NIPA1: variants seen among roughly 807,000 people sequenced by gnomAD.
The protein encoded by NIPA1 is magnesium transporter NIPA1.
NIPA1 carries 13 observed loss-of-function variants against 23.9 expected under a neutral mutation model. The ratio of observed to expected loss-of-function variants is 0.54; its 90% CI spans 0.35 to 0.87. The LOEUF is 0.87. NIPA1 is among the 40% of genes least tolerant of loss of function. The pLI, the probability that NIPA1 is intolerant of heterozygous loss-of-function variation, is 0.01. For missense variants in NIPA1, 362 were observed against 429.7 expected (o/e 0.84, Z 1.39); for synonymous variants, 234 against 202.9 (o/e 1.15, Z -1.30).
At chr15:22,792,593 C>T (rs552324398) in intron 1 of NIPA1, among the ~76,000 whole-genome samples, 2 of 152,026 alleles carry the variant, frequency 1.3e-5, no homozygotes, top group East Asian at 1.9e-4. Flanking sequence ...CTCCTGACCT[C>T]GTGATCTGCC....
At chr15:22,798,514 C>T (rs1459407545) in intron 1 of NIPA1, among the ~76,000 whole-genome samples, 1 of 147,936 alleles carries the variant, frequency 6.8e-6, no homozygotes, top group African/African-American at 2.5e-5. Context: ...GCTGGGATTA[C>T]AGGCATGAGC....
intron 1 of NIPA1, among the ~76,000 whole-genome samples, chr15:22,799,480 A>AC (rs1895017683): frequency 6.6e-6 from 1 of 151,810 alleles, no homozygotes. Context: ...CCTCATCTCT[A>AC]AAAAAAATAC....
chr15:22,786,665 TGCAGCTGCG>T lies in NIPA1; in HGVS notation c.15_23del (p.Ala14_Ala16del), dbSNP rs1204568027. 49 of 1,071,288 alleles carry T rather than the reference TGCAGCTGCG, an allele frequency of 4.6e-5. No homozygotes were observed. Among genetic ancestry groups the T allele is most frequent in the African/African-American group, 1.4e-4 (8 of 56,776 alleles). 66.4% of individuals were successfully genotyped at this position (1,071,288 alleles called of 1,614,324 possible). ...GGGCGGGCGCGGGCGGAATGGGGAC[TGCAGCTGCG>T]GCAGCGGCGGCGGCGGCGGCGGCGG... On this transcript the variant is annotated inframe_deletion, in exon 1 of 5. Transcript: ENST00000337435.
At chr15:22,791,204 C>T (rs561749386) in intron 1 of NIPA1, among the ~76,000 whole-genome samples, 1 of 152,136 alleles carries the variant, frequency 6.6e-6, no homozygotes, top group Non-Finnish European at 1.5e-5. Context: ...AAGTTGCCCG[C>T]TTGGCCCTCT....
At chr15:22,815,308 A>G (rs1023503542) in intron 3 of NIPA1, among the ~76,000 whole-genome samples, 3 of 152,148 alleles carry the variant, frequency 2.0e-5, no homozygotes, top group African/African-American at 4.8e-5. Context: ...CTGTTATGCC[A>G]TTATTTTATG....
Position 22,825,597 on chromosome 15 carries a change from G to T in NIPA1, c.*1358G>T, listed in dbSNP as rs918165072. The T allele has an allele frequency of 6.6e-6, 1 of 152,148 alleles. No individual in the cohort carries two copies. Among genetic ancestry groups the T allele is most frequent in the African/African-American group, 2.4e-5 (1 of 41,414 alleles). 9.4% of individuals were successfully genotyped at this position (152,148 alleles called of 1,614,324 possible). On this transcript the variant is annotated 3_prime_UTR_variant, in exon 5 of 5. Coordinates refer to ENST00000337435, the MANE Select transcript of NIPA1 (RefSeq NM_144599.5). Reference sequence around the variant, plus strand: ...ATAAATTAGGTAACTTGATAATAAGGCTAAGTGGGAGAGTACCTGTTCAAT... The same window carrying T: ...ATAAATTAGGTAACTTGATAATAAGTCTAAGTGGGAGAGTACCTGTTCAAT...
At position 22,824,264 on chromosome 15, in the gene NIPA1, C is replaced by A; in HGVS notation, c.*25C>A. The A allele has an allele frequency of 6.3e-7, 1 of 1,598,752 alleles. No homozygotes were observed. The highest frequency in any genetic ancestry group is 1.1e-5 in the South Asian group (1 of 90,570). The stretch of plus-strand genomic sequence containing the variant: ...GATTGCAATAGGAGCTTGGATGGTT[C>A]GAGGAATAGGCATTGGAGGTGGTTT... On this transcript the variant is annotated 3_prime_UTR_variant, in exon 5 of 5. Transcript: ENST00000337435. The surrounding 1 kb of genome is among the most constrained non-coding windows in gnomAD (Gnocchi z 4.1).
chr15:22,821,024 C>G (rs1300555246), intron 4 of NIPA1, among the ~76,000 whole-genome samples: 1 of 149,236 alleles, frequency 6.7e-6, no homozygotes, highest in Admixed American at 6.8e-5. Flanking sequence ...GTCACCCAGG[C>G]TGGAGTGCAG....
rs1895613747 is a variant in NIPA1, at chr15:22,824,668, G to A, written c.*429G>A. The A allele has an allele frequency of 5.0e-6, 1 of 201,730 alleles. No homozygotes were observed. The highest frequency in any genetic ancestry group is 7.4e-5 in the South Asian group (1 of 13,452). 12.5% of individuals were successfully genotyped at this position (201,730 alleles called of 1,614,324 possible). On this transcript the variant is annotated 3_prime_UTR_variant, in exon 5 of 5. Transcript: ENST00000337435. The surrounding 1 kb of genome is among the most constrained non-coding windows in gnomAD (Gnocchi z 4.1). ...TGAACTCTGGCACTGTACAGTGAAT[G>A]TGTCTGTAGTTGTGTTAGTTTGCAT...
At chr15:22,823,127 G>C (rs779258388) in intron 4 of NIPA1, among the ~76,000 whole-genome samples, 30 of 132,530 alleles carry the variant, frequency 2.3e-4, no homozygotes, top group Non-Finnish European at 4.0e-4. Context: ...CACCAAGTTA[G>C]CCAGGATGGT....
chr15:22,805,079 A>T (rs1334033395), intron 1 of NIPA1, among the ~76,000 whole-genome samples: 1 of 152,034 alleles, frequency 6.6e-6, no homozygotes, highest in East Asian at 1.9e-4. Flanking sequence ...TGACCTCATG[A>T]TCCACCTGCC....
chr15:22,813,526 A>G, intron 3 of NIPA1: 1 of 419,118 alleles, frequency 2.4e-6, no homozygotes, highest in South Asian at 1.8e-5. Flanking sequence ...ACCTATTTAT[A>G]TTCTGATTTG....
chr15:22,789,805 T>G (rs8042574), intron 1 of NIPA1, among the ~76,000 whole-genome samples: 51,609 of 151,870 alleles, frequency 0.34, 8,832 homozygotes, highest in South Asian at 0.42. Context: ...AATGAAAGTT[T>G]TTTTTTGGAG....
chr15:22,818,422 G>C (rs981254265), intron 3 of NIPA1, among the ~76,000 whole-genome samples: 48 of 151,372 alleles, frequency 3.2e-4, no homozygotes, highest in African/African-American at 1.1e-3. Context: ...GGCACCAAGA[G>C]GGAAACTCTG....
chr15:22,794,377 T>TG (rs1894899429), intron 1 of NIPA1, among the ~76,000 whole-genome samples: 1 of 151,088 alleles, frequency 6.6e-6, no homozygotes, highest in Admixed American at 6.6e-5. Flanking sequence ...TTGGTGTTTA[T>TG]GGGTACAAAG....
intron 1 of NIPA1, among the ~76,000 whole-genome samples, chr15:22,787,493 G>T (rs572324903): frequency 1.2e-3 from 184 of 152,364 alleles, no homozygotes; most frequent in Non-Finnish European, 1.9e-3. Context: ...ACGCGCGGCA[G>T]ATCCAAAACC....
chr15:22,790,286 A>G lies in NIPA1; in HGVS notation c.178+3452A>G, dbSNP rs80083116. ...AAGATAGACATAGAGTCTTGTTTCA[A>G]TGTCTGCTTTGATTTGTTCAACAGA... On this transcript the variant is annotated intron_variant, in intron 1 of 4. Transcript: ENST00000337435. 6.1e-3 allele frequency among the ~76,000 whole-genome samples: 928 copies of G among 152,096 alleles called. 5 individuals carry two copies. Among genetic ancestry groups the G allele is most frequent in the African/African-American group, 0.021 (871 of 41,486 alleles).
In NIPA1 at chr15:22,786,790, C is replaced by T; in HGVS notation, c.134C>T (p.Thr45Met). The T allele has an allele frequency of 7.7e-7, 1 of 1,301,834 alleles. No homozygotes were observed. Among genetic ancestry groups the T allele is most frequent in the South Asian group, 1.5e-5 (1 of 67,820 alleles). The allele number at this position is 1,301,834 out of a possible 1,614,324, so 80.6% of individuals were successfully genotyped here. ...GTGTCGAGCCTGGTGAACGGGTCCACGTTCGTGCTACAGAAGAAGGGCATC... is the reference window on the plus strand; with the variant it reads ...GTGTCGAGCCTGGTGAACGGGTCCATGTTCGTGCTACAGAAGAAGGGCATC... ...AVVSSLVNGS[T>M]FVLQKKGIVR... Residue 45 changes from threonine (T) to methionine (M), a missense_variant, in exon 1 of 5, where the codon ACG (threonine) becomes ATG (methionine). This residue lies in a region of NIPA1 where 277 missense variants were observed against 372.0 expected (regional missense o/e 0.74). Transcript: ENST00000337435.
chr15:22,804,298 T>G (rs541524752), intron 1 of NIPA1, among the ~76,000 whole-genome samples: 1 of 151,800 alleles, frequency 6.6e-6, no homozygotes, highest in South Asian at 2.1e-4. Context: ...AATTTTTGTA[T>G]TTTTAGTAGA....
Sources: gnomAD v4.1 joint callset for allele counts (sites outside exome capture counted in the v4.1 genomes callset) on GRCh38, gnomAD v4.1.1 for gene constraint, gnomAD v4.1.1 regional missense constraint, Gnocchi (gnomAD v3.1) non-coding constraint, MANE v1.5 for transcripts, NCBI Gene and HGNC (gene_info 2026-07-23, HGNC 2026-07-21) for gene names.